Variants in GIGYF2 observed in about 807,000 individuals in gnomAD.
GIGYF2 encodes the protein GRB10-interacting GYF protein 2.
A neutral mutation model predicts 208.1 loss-of-function variants in GIGYF2; 25 were observed. The observed-to-expected ratio is 0.12, with a 90% CI of 0.09 to 0.17. The LOEUF (loss-of-function observed/expected upper bound fraction) is 0.17. Among genes scored for constraint, GIGYF2 ranks in the 10% least tolerant of loss-of-function variants. The probability of loss-of-function intolerance (pLI) is 1.00; values close to 1 mark genes in which losing one functional copy is unlikely to be tolerated. For synonymous variants in GIGYF2, 534 were observed against 543.8 expected, an observed-to-expected ratio of 0.98 and a Z score of 0.25; for missense variants, 1,302 against 1,579.4, an observed-to-expected ratio of 0.82 and a Z score of 2.98.
At chr2:232,832,432 T>C (rs1051024939) in intron 21 of GIGYF2, among the ~76,000 whole-genome samples, 2 of 152,198 alleles carry the variant, frequency 1.3e-5, no homozygotes, top group Admixed American at 1.3e-4. Context: ...TCTGTGGTCT[T>C]GGAAAGTTGC....
Position 232,860,289 on chromosome 2 carries a change from A to C in GIGYF2, c.*3429A>C, listed in dbSNP as rs911667991. On this transcript the variant is annotated 3_prime_UTR_variant, in exon 29 of 29. Transcript: ENST00000373563. ...TGGGACTACAGCTATGTGCCAGTGC[A>C]CCCAGCTTGTTTTTTTTAAATTTTA... The C allele has an allele frequency of 5.3e-5, 8 of 151,520 alleles. No individual in the cohort carries two copies. Among genetic ancestry groups the C allele is most frequent in the Admixed American group, 2.0e-4 (3 of 15,072 alleles). 9.4% of individuals were successfully genotyped at this position (151,520 alleles called of 1,614,324 possible). A position where few individuals can be genotyped will look rare whatever the true frequency, so the allele number is the denominator to read the frequency against.
intron 8 of GIGYF2, among the ~76,000 whole-genome samples, chr2:232,763,260 C>T (rs1397988032): frequency 6.7e-6 from 1 of 148,930 alleles, no homozygotes; most frequent in Non-Finnish European, 1.5e-5. Context: ...ATTCTAAGCT[C>T]TCAGATCTCA....
In GIGYF2 at chr2:232,771,293, C is replaced by A. The variant is rs760202322; in HGVS notation, c.532+9857C>A. On this transcript the variant is annotated intron_variant, in intron 8 of 28. Transcript: ENST00000373563. Reference sequence around the variant, plus strand: ...TCCATTTGAAGTGTGCTGTGGCCATCCTTGGTGACCATCCTCCGGTATCTT... The same window carrying A: ...TCCATTTGAAGTGTGCTGTGGCCATACTTGGTGACCATCCTCCGGTATCTT... 6.2e-6 allele frequency: 10 copies of A among 1,609,914 alleles called. No individual in the cohort carries two copies. The highest frequency in any genetic ancestry group is 1.1e-5 in the South Asian group (1 of 90,318).
intron 8 of GIGYF2, among the ~76,000 whole-genome samples, chr2:232,763,270 A>T (rs1290023117): frequency 1.3e-5 from 2 of 152,122 alleles, no homozygotes; most frequent in African/African-American, 2.4e-5. Flanking sequence ...CTCAGATCTC[A>T]TTAGTCTCAT....
intron 15 of GIGYF2, among the ~76,000 whole-genome samples, chr2:232,807,522 C>A (rs1203931105): frequency 1.3e-5 from 2 of 150,556 alleles, no homozygotes; most frequent in Admixed American, 1.3e-4. Flanking sequence ...GACCCTGTCT[C>A]AAAAAAAAAT....
chr2:232,730,766 C>T (rs1276554051), intron 2 of GIGYF2, among the ~76,000 whole-genome samples: 6 of 146,294 alleles, frequency 4.1e-5, no homozygotes, highest in Admixed American at 6.8e-5. Flanking sequence ...GGCGTAGTGG[C>T]GGGCGCCTGT....
chr2:232,730,636 C>A (rs888430111), intron 2 of GIGYF2, among the ~76,000 whole-genome samples: 2 of 144,762 alleles, frequency 1.4e-5, no homozygotes, highest in Non-Finnish European at 3.0e-5. Context: ...CGGTGGCTCA[C>A]GCCTGTAATC....
intron 8 of GIGYF2, chr2:232,768,836 T>G: frequency 6.3e-7 from 1 of 1,588,720 alleles, no homozygotes; most frequent in African/African-American, 1.4e-5. Flanking sequence ...TTATTGATTT[T>G]TTTTTAGAAT....
chr2:232,763,970 A>G (rs936465872), intron 8 of GIGYF2, among the ~76,000 whole-genome samples: 5 of 152,246 alleles, frequency 3.3e-5, no homozygotes, highest in African/African-American at 1.2e-4. Flanking sequence ...ATAAGAGCAT[A>G]TGAACTCATT....
At chr2:232,804,816 G>T (rs1451608116) in intron 14 of GIGYF2, among the ~76,000 whole-genome samples, 1 of 152,012 alleles carries the variant, frequency 6.6e-6, no homozygotes, top group Non-Finnish European at 1.5e-5. Context: ...TCATTCCGTT[G>T]TGTGTATTTT....
chr2:232,806,724 A>G lies in GIGYF2; in HGVS notation c.1806+67A>G. The G allele has an allele frequency of 1.8e-6, 2 of 1,087,510 alleles. No homozygotes were observed. Among genetic ancestry groups the G allele is most frequent in the Non-Finnish European group, 2.9e-6 (2 of 701,564 alleles). 67.4% of individuals were successfully genotyped at this position (1,087,510 alleles called of 1,614,324 possible). A position where few individuals can be genotyped will look rare whatever the true frequency, so the allele number is the denominator to read the frequency against. ...GAAACACTTGATTCTCTTTGAAAAC[A>G]CAACCCAAATATATCATCTAATGAA... On this transcript the variant is annotated intron_variant, in intron 15 of 28. Transcript: ENST00000373563. This position sits in a 1 kb window ranked among gnomAD's most constrained non-coding sequence, Gnocchi z 4.0.
intron 2 of GIGYF2, among the ~76,000 whole-genome samples, chr2:232,707,823 A>G (rs1329211063): frequency 1.3e-5 from 2 of 151,794 alleles, no homozygotes; most frequent in Non-Finnish European, 2.9e-5. Context: ...TTTTTAGTAG[A>G]GACTGGGTTT....
chr2:232,744,029 A>C (rs1396821161), intron 3 of GIGYF2, among the ~76,000 whole-genome samples: 1 of 151,820 alleles, frequency 6.6e-6, no homozygotes, highest in Non-Finnish European at 1.5e-5. Context: ...TTATTTTTGG[A>C]GAGACAGGAT....
At chr2:232,833,859 T>A (rs1358853290) in intron 22 of GIGYF2, among the ~76,000 whole-genome samples, 1 of 152,160 alleles carries the variant, frequency 6.6e-6, no homozygotes, top group Non-Finnish European at 1.5e-5. Flanking sequence ...TACAAAGTGT[T>A]GTTTTAAAGA....
chr2:232,800,306 G>A (rs913619875), intron 14 of GIGYF2, among the ~76,000 whole-genome samples: 1 of 152,022 alleles, frequency 6.6e-6, no homozygotes, highest in Non-Finnish European at 1.5e-5. Context: ...TTTGAGTATG[G>A]TGTTAGGCAA....
chr2:232,715,510 C>T (rs1329999273), intron 2 of GIGYF2, among the ~76,000 whole-genome samples: 5 of 150,994 alleles, frequency 3.3e-5, no homozygotes, highest in African/African-American at 9.8e-5. Context: ...TAATGTTTTG[C>T]AAGGTTTCAT....
At chr2:232,814,924 A>C (rs1700865359) in intron 18 of GIGYF2, among the ~76,000 whole-genome samples, 1 of 152,224 alleles carries the variant, frequency 6.6e-6, no homozygotes, top group African/African-American at 2.4e-5. Context: ...GAGAATGCTG[A>C]AAAGTGGTGC....
chr2:232,795,744 A>G (rs1471031873), intron 13 of GIGYF2, among the ~76,000 whole-genome samples: 1 of 152,140 alleles, frequency 6.6e-6, no homozygotes, highest in African/African-American at 2.4e-5. Flanking sequence ...TTAAAAACAA[A>G]CAAAGTACTC....
chr2:232,856,701 C>T (rs1218317970), intron 28 of GIGYF2, 92 bp from the exon 29 acceptor site: 18 of 854,912 alleles, frequency 2.1e-5, no homozygotes, highest in Non-Finnish European at 4.1e-6. Context: ...CACAAACAAA[C>T]AAACACAGAC....
Sources: allele counts gnomAD v4.1 joint callset (sites outside exome capture counted in the v4.1 genomes callset), GRCh38; gene constraint gnomAD v4.1.1; non-coding constraint Gnocchi (gnomAD v3.1); transcripts MANE v1.5; gene names NCBI Gene and HGNC (gene_info 2026-07-23, HGNC 2026-07-21).